The following EDIL3 variants were observed in gnomAD, a reference collection of about 807,000 sequenced individuals.
EDIL3 encodes the protein EGF like and discoidin domains 3.
In EDIL3, 37 loss-of-function variants were observed where a neutral mutation model predicts 67.4. That is an observed-to-expected ratio of 0.55 (90% CI 0.42 to 0.72). EDIL3 has a LOEUF of 0.72. Ranked by LOEUF, EDIL3 falls within the 30% of genes least tolerant of loss-of-function variation. EDIL3 has a pLI of 0.00. For synonymous variants in EDIL3, 195 were observed against 196.3 expected (o/e 0.99, Z 0.05); for missense variants, 527 against 586.3 (o/e 0.90, Z 1.04).
intron 9 of EDIL3, among the ~76,000 whole-genome samples, chr5:84,024,676 T>C (rs1032865331): frequency 1.3e-5 from 2 of 152,058 alleles, no homozygotes; most frequent in African/African-American, 4.8e-5. Flanking sequence ...AAAACCTCAG[T>C]CCATAATAGT....
At chr5:84,235,324 T>C (rs1226575175) in intron 2 of EDIL3, among the ~76,000 whole-genome samples, 1 of 152,156 alleles carries the variant, frequency 6.6e-6, no homozygotes, top group African/African-American at 2.4e-5. Flanking sequence ...AGTATTTGGG[T>C]CACTGTGAGG....
intron 6 of EDIL3, among the ~76,000 whole-genome samples, chr5:84,079,419 C>G (rs1042993864): frequency 2.6e-5 from 4 of 151,972 alleles, no homozygotes; most frequent in African/African-American, 9.7e-5. Context: ...TGTGCAGTAA[C>G]TGGGGTTAGT....
At chr5:84,273,272 T>C (rs1022605712) in intron 1 of EDIL3, among the ~76,000 whole-genome samples, 4 of 152,096 alleles carry the variant, frequency 2.6e-5, no homozygotes, top group African/African-American at 9.7e-5. Flanking sequence ...GCGCTAATGG[T>C]CCCAAGCCTG....
intron 1 of EDIL3, among the ~76,000 whole-genome samples, chr5:84,298,708 C>T (rs1746097482): frequency 6.6e-6 from 1 of 152,190 alleles, no homozygotes; most frequent in Non-Finnish European, 1.5e-5. Context: ...AGGGAAACTG[C>T]TCTTGCCAAA....
intron 10 of EDIL3, among the ~76,000 whole-genome samples, chr5:83,948,525 T>G (rs1047222257): frequency 4.0e-5 from 6 of 151,684 alleles, no homozygotes; most frequent in African/African-American, 1.4e-4. Context: ...GGCTAGATTT[T>G]CAGTAATATT....
At chr5:84,171,763 T>C (rs1348894292) in intron 4 of EDIL3, among the ~76,000 whole-genome samples, 1 of 152,150 alleles carries the variant, frequency 6.6e-6, no homozygotes, top group Non-Finnish European at 1.5e-5. Flanking sequence ...TGATTTTCAG[T>C]CTTAGTTGTA....
Position 84,141,928 on chromosome 5 carries a change from T to C in EDIL3, c.356-4574A>G, listed in dbSNP as rs200777177. ...ACTCATATATATATATATATACACA[T>C]ATATATATATATATATATACATAGA... On this transcript the variant is annotated intron_variant, in intron 4 of 10. Transcript: ENST00000296591. Among the ~76,000 whole-genome samples, 1,183 of 121,256 alleles carry C rather than the reference T, an allele frequency of 9.8e-3. 40 individuals are homozygous for C. The highest frequency in any genetic ancestry group is 0.036 in the African/African-American group (1,035 of 28,824). The allele number at this position is 121,256 out of a possible 152,430, so 79.5% of individuals were successfully genotyped here.
chr5:83,997,750 C>A (rs775704840), intron 9 of EDIL3, among the ~76,000 whole-genome samples: 1 of 152,062 alleles, frequency 6.6e-6, no homozygotes, highest in African/African-American at 2.4e-5. Flanking sequence ...GCAGGAACAC[C>A]AAATTGAACA....
At chr5:84,116,547 C>T (rs1460376290) in intron 5 of EDIL3, among the ~76,000 whole-genome samples, 2 of 152,058 alleles carry the variant, frequency 1.3e-5, no homozygotes, top group Non-Finnish European at 2.9e-5. Flanking sequence ...TGTGTTTCAT[C>T]TTTCCAAATT....
At chr5:84,213,379 A>G (rs1744167026) in intron 3 of EDIL3, among the ~76,000 whole-genome samples, 1 of 152,156 alleles carries the variant, frequency 6.6e-6, no homozygotes, top group Non-Finnish European at 1.5e-5. Context: ...CTCCCAACAC[A>G]CTTAAACACT....
chr5:83,967,371 AT>A (rs1744710117), intron 9 of EDIL3, among the ~76,000 whole-genome samples: 2 of 152,116 alleles, frequency 1.3e-5, no homozygotes, highest in Non-Finnish European at 1.5e-5. Flanking sequence ...ATGCATCTCT[AT>A]TTTAATACTG....
At chr5:84,221,057 T>C (rs913412985) in intron 3 of EDIL3, among the ~76,000 whole-genome samples, 1 of 152,206 alleles carries the variant, frequency 6.6e-6, no homozygotes, top group African/African-American at 2.4e-5. Flanking sequence ...ATTTAAATGA[T>C]ATTTAATCTA....
intron 5 of EDIL3, among the ~76,000 whole-genome samples, chr5:84,108,747 A>C (rs1747507047): frequency 1.3e-5 from 2 of 152,212 alleles, no homozygotes; most frequent in South Asian, 4.1e-4. Flanking sequence ...GGTCTCAAGC[A>C]TCTTGTCCTT....
intron 4 of EDIL3, among the ~76,000 whole-genome samples, chr5:84,163,458 T>A (rs1748648534): frequency 6.6e-6 from 1 of 152,126 alleles, no homozygotes; most frequent in Admixed American, 6.6e-5. Context: ...TAAGTTACTT[T>A]AAGGAAATAA....
intron 9 of EDIL3, among the ~76,000 whole-genome samples, chr5:84,052,064 G>T (rs1036970057): frequency 2.6e-5 from 4 of 152,208 alleles, no homozygotes; most frequent in Non-Finnish European, 4.4e-5. Context: ...AGAGAGAAAG[G>T]TGGGGTTACC....
At chr5:84,379,842 TGGATCTGCA>T (rs1471992156) in intron 1 of EDIL3, among the ~76,000 whole-genome samples, 1 of 152,110 alleles carries the variant, frequency 6.6e-6, no homozygotes, top group Admixed American at 6.5e-5. Flanking sequence ...TTACTTTATG[TGGATCTGCA>T]GATTCACATT....
chr5:84,160,904 A>G (rs1198269400), intron 4 of EDIL3, among the ~76,000 whole-genome samples: 2 of 144,046 alleles, frequency 1.4e-5, no homozygotes, highest in African/African-American at 5.2e-5. Context: ...GGTTACATGG[A>G]TAAGTTCTTT....
chr5:84,071,037 TG>T (rs1488621695), intron 6 of EDIL3, among the ~76,000 whole-genome samples: 1 of 152,146 alleles, frequency 6.6e-6, no homozygotes, highest in Admixed American at 6.5e-5. Context: ...TGGAAAAATG[TG>T]GGCCAGGCTT....
chr5:84,079,651 C>G (rs1746927512), intron 6 of EDIL3, among the ~76,000 whole-genome samples: 1 of 151,806 alleles, frequency 6.6e-6, no homozygotes, highest in Non-Finnish European at 1.5e-5. Flanking sequence ...AAATGTGTCT[C>G]AGGCAAAAAG....
Sources: allele counts gnomAD v4.1 joint callset (sites outside exome capture counted in the v4.1 genomes callset), GRCh38; gene constraint gnomAD v4.1.1; transcripts MANE v1.5; gene names NCBI Gene and HGNC (gene_info 2026-07-23, HGNC 2026-07-21).